The following BPNT1 variants were observed in gnomAD, a reference collection of about 807,000 sequenced individuals.
The protein encoded by BPNT1 is 3'(2'),5'-bisphosphate nucleotidase 1.
A neutral mutation model predicts 36.9 loss-of-function variants in BPNT1; 28 were observed. That is an observed-to-expected ratio of 0.76 (90% CI 0.56 to 1.04). The LOEUF (loss-of-function observed/expected upper bound fraction) is 1.04. BPNT1 is among the 50% of genes least tolerant of loss of function. BPNT1 has a pLI of 0.00. For missense variants in BPNT1, 313 were observed against 372.9 expected (o/e 0.84, Z 1.32); for synonymous variants, 119 against 130.9 (o/e 0.91, Z 0.62).
In BPNT1 at chr1:220,067,377, T is replaced by C; in HGVS notation, c.399A>G (p.Val133=). The part of the protein sequence containing the change: ...KEYTEGLLDN[V]TVLIGIAYEG... ...CATAAGCAATTCCAATAAGAACTGT[T>C]ACATTGTCAAGAAGACCTGCAAAGA... Residue 133 remains valine (V), a synonymous_variant, in exon 6 of 9, where the codon GTA becomes GTG. Coordinates refer to ENST00000322067, the MANE Select transcript of BPNT1 (RefSeq NM_006085.6). 1 of 1,608,300 alleles carries C rather than the reference T, an allele frequency of 6.2e-7. No individual in the cohort carries two copies. The highest frequency in any genetic ancestry group is 8.5e-7 in the Non-Finnish European group (1 of 1,176,854).
At chr1:220,087,702 A>G (rs1655869570) in intron 1 of BPNT1, among the ~76,000 whole-genome samples, 1 of 152,248 alleles carries the variant, frequency 6.6e-6, no homozygotes, top group South Asian at 2.1e-4. Context: ...GTAAAAGATC[A>G]GTATATAAAA....
chr1:220,060,676 TA>T lies in BPNT1; in HGVS notation c.673-886del, dbSNP rs950551085. ...CTACCAAAATACAAACTTTTTTTTT[TA>T]AAAATATTTGAAGAGATTTATTCTA... On this transcript the variant is annotated intron_variant, in intron 7 of 8. Transcript: ENST00000322067. 2.6e-5 allele frequency among the ~76,000 whole-genome samples: 4 copies of T among 152,124 alleles called. No homozygotes were observed. The East Asian group carries it at 7.7e-4, about 29-fold the overall frequency.
intron 1 of BPNT1, among the ~76,000 whole-genome samples, chr1:220,088,633 A>G (rs956669134): frequency 6.6e-6 from 1 of 151,846 alleles, no homozygotes; most frequent in African/African-American, 2.4e-5. Context: ...CTACAAAAAA[A>G]TGCAAAAATT....
At position 220,062,738 on chromosome 1, in the gene BPNT1, TGACA is replaced by T; in HGVS notation, c.672+15_672+18del. The T allele has an allele frequency of 1.2e-6, 2 of 1,612,868 alleles. No homozygotes were observed. The highest frequency in any genetic ancestry group is 1.7e-6 in the Non-Finnish European group (2 of 1,178,790). ...TGATTCACTTGCACTTCAGAGCAGA[TGACA>T]GACATTTTTCATACCTTATTTCCTG... is the stretch of plus-strand genomic sequence containing the variant. On this transcript the variant is annotated intron_variant, in intron 7 of 8. Coordinates refer to ENST00000322067, the MANE Select transcript of BPNT1 (RefSeq NM_006085.6).
chr1:220,082,085 T>TATATATAGAGAG (rs1171093697), intron 1 of BPNT1, among the ~76,000 whole-genome samples: 12 of 103,282 alleles, frequency 1.2e-4, no homozygotes, highest in African/African-American at 4.2e-4. Context: ...TATATATATA[T>TATATATAGAGAG]AGAGAGAGAG....
At position 220,057,821 on chromosome 1, in the gene BPNT1, A is replaced by G; in HGVS notation, c.*1023T>C. The G allele has an allele frequency of 7.8e-7, 1 of 1,275,702 alleles. No individual in the cohort carries two copies. Among genetic ancestry groups the G allele is most frequent in the Non-Finnish European group, 1.0e-6 (1 of 966,334 alleles). 79.0% of individuals were successfully genotyped at this position (1,275,702 alleles called of 1,614,324 possible). Reference sequence around the variant, plus strand: ...TCATATATATTCTTAATTGGAGTAGAAACGTTTTTAAAATTACTGTGAAAA... The same window carrying G: ...TCATATATATTCTTAATTGGAGTAGGAACGTTTTTAAAATTACTGTGAAAA... On this transcript the variant is annotated 3_prime_UTR_variant, in exon 9 of 9. Coordinates refer to ENST00000322067, the MANE Select transcript of BPNT1 (RefSeq NM_006085.6).
At chr1:220,063,837 T>C (rs926836960) in intron 6 of BPNT1, among the ~76,000 whole-genome samples, 3 of 152,162 alleles carry the variant, frequency 2.0e-5, no homozygotes, top group African/African-American at 7.2e-5. Flanking sequence ...AATCTTAGAA[T>C]CTATATTTTC....
chr1:220,074,164 A>G (rs1336307331), intron 2 of BPNT1, 93 bp from the exon 3 acceptor site: 2 of 1,136,874 alleles, frequency 1.8e-6, no homozygotes, highest in Middle Eastern at 2.0e-4. Flanking sequence ...TTTAGATTAC[A>G]CTGTCAGTTT....
intron 7 of BPNT1, among the ~76,000 whole-genome samples, chr1:220,062,109 A>G (rs541136707): frequency 1.4e-3 from 208 of 151,300 alleles, no homozygotes; most frequent in Non-Finnish European, 2.3e-3. Flanking sequence ...TACAAATTAT[A>G]GTCTTTACTC....
rs778194697 is a variant in BPNT1 at position 220,059,734 on chromosome 1, T to C, written c.730A>G (p.Lys244Glu). 27 of 1,611,866 alleles carry C rather than the reference T, an allele frequency of 1.7e-5. No homozygotes were observed. The South Asian group carries it at 2.9e-4, about 17-fold the overall frequency. The change falls in exon 8 of 9, where the codon AAG (lysine) becomes GAG (glutamate). Residue 244 changes from lysine (K) to glutamate (E), a missense_variant. Coordinates refer to ENST00000322067, the MANE Select transcript of BPNT1 (RefSeq NM_006085.6). ...TCTGGAGCACAAGTATCCCACTTCT[T>C]ACAACCAGGACTTGCAAATACATAA... ...SAYVFASPGCKKWDTCAPEVI... is the reference protein window; with the variant it reads ...SAYVFASPGCEKWDTCAPEVI...
intron 6 of BPNT1, among the ~76,000 whole-genome samples, chr1:220,063,550 C>T (rs574327804): frequency 6.6e-6 from 1 of 152,184 alleles, no homozygotes; most frequent in African/African-American, 2.4e-5. Flanking sequence ...TCTGAATTAT[C>T]TAATGATCTC....
intron 4 of BPNT1, among the ~76,000 whole-genome samples, chr1:220,071,527 T>C (rs1222931599): frequency 1.3e-5 from 2 of 152,166 alleles, no homozygotes; most frequent in Admixed American, 6.5e-5. Context: ...GTAAGGTACA[T>C]GTAAAACTGC....
chr1:220,066,761 C>A (rs914165467), intron 6 of BPNT1, among the ~76,000 whole-genome samples: 6 of 152,252 alleles, frequency 3.9e-5, no homozygotes, highest in Admixed American at 3.9e-4. Flanking sequence ...GAGCATAGTA[C>A]GTTCTGTTAC....
chr1:220,088,105 G>A (rs758400523), intron 1 of BPNT1, among the ~76,000 whole-genome samples: 2 of 151,864 alleles, frequency 1.3e-5, no homozygotes, highest in Admixed American at 6.5e-5. Flanking sequence ...TCGAACTTCC[G>A]ACCTCATGGC....
intron 1 of BPNT1, among the ~76,000 whole-genome samples, chr1:220,086,110 T>C (rs1477135195): frequency 6.6e-6 from 1 of 152,118 alleles, no homozygotes; most frequent in Non-Finnish European, 1.5e-5. Flanking sequence ...CAAAATATGA[T>C]AAAATATGAT....
intron 6 of BPNT1, chr1:220,066,906 A>G (rs1663583273): frequency 6.6e-6 from 1 of 152,258 alleles, no homozygotes. Flanking sequence ...CTTGATGCCC[A>G]AGCTAATCAA....
intron 2 of BPNT1, among the ~76,000 whole-genome samples, chr1:220,076,626 G>A (rs923873053): frequency 2.7e-5 from 4 of 150,336 alleles, no homozygotes; most frequent in African/African-American, 9.7e-5. Flanking sequence ...CAGAGGCTGC[G>A]GTGAGCTGAG....
At chr1:220,084,343 AG>A (rs1293279663) in intron 1 of BPNT1, among the ~76,000 whole-genome samples, 2 of 151,904 alleles carry the variant, frequency 1.3e-5, no homozygotes, top group African/African-American at 4.8e-5. Flanking sequence ...AAAAAAAAAA[AG>A]AAAAAGAAAA....
intron 2 of BPNT1, 110 bp from the exon 3 acceptor site, chr1:220,074,181 T>A: frequency 2.1e-6 from 2 of 933,116 alleles, no homozygotes; most frequent in Non-Finnish European, 3.2e-6. Flanking sequence ...GTTTTTAGAG[T>A]CATAGAACTT....
Sources: allele counts gnomAD v4.1 joint callset (sites outside exome capture counted in the v4.1 genomes callset), GRCh38; gene constraint gnomAD v4.1.1; transcripts MANE v1.5; gene names NCBI Gene and HGNC (gene_info 2026-07-23, HGNC 2026-07-21).